NUP93: variants seen among roughly 807,000 people sequenced by gnomAD.
NUP93 encodes nuclear pore complex protein Nup93.
Under a neutral mutation model 107.8 loss-of-function variants are expected in NUP93, and 55 were observed. The observed-to-expected ratio is 0.51, with a 90% confidence interval of 0.41 to 0.64. The LOEUF is 0.64. Ranked by LOEUF, NUP93 falls within the 30% of genes least tolerant of loss-of-function variation. NUP93 has a pLI of 0.00. For synonymous variants in NUP93, 390 were observed against 397.5 expected, an observed-to-expected ratio of 0.98 and a Z score of 0.22; for missense variants, 937 against 1,044.7, an observed-to-expected ratio of 0.90 and a Z score of 1.42.
Position 56,747,995 on chromosome 16 carries a change from A to G in NUP93, c.-14-239A>G, listed in dbSNP as rs1449149136. ...CTGTGCATTTGTTCTGATGGCAGAA[A>G]TCAATCTTGGGGCTGTCAATATGCA... On this transcript the variant is annotated intron_variant, in intron 1 of 21. Coordinates refer to ENST00000308159, the MANE Select transcript of NUP93 (RefSeq NM_014669.5). 6 of 302,700 alleles carry G rather than the reference A, an allele frequency of 2.0e-5. No homozygotes were observed. In the South Asian group the frequency reaches 4.3e-4, roughly 22 times the overall value. The allele number at this position is 302,700 out of a possible 1,614,324, so 18.8% of individuals were successfully genotyped here. A position where few individuals can be genotyped will look rare whatever the true frequency, so the allele number is the denominator to read the frequency against.
In NUP93 at chr16:56,831,933, A is replaced by G. The variant is rs202054532; in HGVS notation, c.1177A>G (p.Ile393Val). 3.1e-6 allele frequency: 5 copies of G among 1,614,118 alleles called. No homozygotes were observed. The South Asian group carries it at 3.3e-5, about 11-fold the overall frequency. Residue 393 changes from isoleucine (I) to valine (V), a missense_variant, in exon 11 of 22, where the codon ATC becomes GTC. Physicochemically the swap from Ile to Val is conservative, Grantham distance 29 (BLOSUM62 3). Coordinates refer to ENST00000308159, the MANE Select transcript of NUP93 (RefSeq NM_014669.5). ...TCCCTACAAGCGGGCCGTGTACTGT[A>G]TCATTGGCAGATGTGACGTCACCGA... is the stretch of plus-strand genomic sequence containing the variant. ...TDPYKRAVYC[I>V]IGRCDVTDNQ... is the part of the protein sequence containing the mutation.
In NUP93 at chr16:56,752,880, G is replaced by T. The variant is rs148063300; in HGVS notation, c.179+4454G>T. Among the ~76,000 whole-genome samples, 338 of 152,198 alleles carry T rather than the reference G, an allele frequency of 2.2e-3. 1 individual carries two copies. Among genetic ancestry groups the T allele is most frequent in the African/African-American group, 7.9e-3 (329 of 41,526 alleles). On this transcript the variant is annotated intron_variant, in intron 2 of 21. Transcript: ENST00000308159. Reference sequence around the variant, plus strand: ...TGTGATCAGCTGATTTTCAACAAGGGTACCTAGACCATTCATTGTGAAAAG... The same window carrying T: ...TGTGATCAGCTGATTTTCAACAAGGTTACCTAGACCATTCATTGTGAAAAG...
intron 1 of NUP93, among the ~76,000 whole-genome samples, chr16:56,739,793 C>T (rs1390066463): frequency 1.0e-3 from 73 of 72,580 alleles, no homozygotes; most frequent in Admixed American, 1.7e-3. Flanking sequence ...CCAGTAGGGG[C>T]GGCCGGGCAG....
rs558385754 is a variant in NUP93 at position 56,737,755 on chromosome 16, A to G, written c.-15+7544A>G. The stretch of plus-strand genomic sequence containing the variant: ...TATACCAAGGTATGAATATACTGCC[A>G]TAAAAAGCCCAAGTGGGATAATTCT... On this transcript the variant is annotated intron_variant, in intron 1 of 21. Coordinates refer to ENST00000308159, the MANE Select transcript of NUP93 (RefSeq NM_014669.5). Among the ~76,000 whole-genome samples, 7 of 152,316 alleles carry G rather than the reference A, an allele frequency of 4.6e-5. No homozygotes were observed. In the East Asian group the frequency reaches 1.2e-3, roughly 25 times the overall value.
At chr16:56,799,142 AT>A (rs1962966218) in intron 4 of NUP93, among the ~76,000 whole-genome samples, 1 of 152,190 alleles carries the variant, frequency 6.6e-6, no homozygotes, top group African/African-American at 2.4e-5. Flanking sequence ...TATAAATGGC[AT>A]TTTGGTTTCT....
rs556857774 is a variant in NUP93, at chr16:56,834,512, C to T, written c.1737+70C>T. On this transcript the variant is annotated intron_variant, in intron 15 of 21. Transcript: ENST00000308159. Reference sequence around the variant, plus strand: ...CATGTCCCATGCTCATTCCGTATTGCGTGTTTACTTCAATATGGTTGTGGT... The same window carrying T: ...CATGTCCCATGCTCATTCCGTATTGTGTGTTTACTTCAATATGGTTGTGGT... The T allele has an allele frequency of 1.4e-4, 203 of 1,489,450 alleles. No individual in the cohort carries two copies. In the South Asian group the frequency reaches 1.9e-3, roughly 14 times the overall value. 92.3% of individuals were successfully genotyped at this position (1,489,450 alleles called of 1,614,324 possible).
intron 5 of NUP93, among the ~76,000 whole-genome samples, chr16:56,809,575 TA>T (rs1476274972): frequency 6.6e-6 from 1 of 152,066 alleles, no homozygotes; most frequent in African/African-American, 2.4e-5. Flanking sequence ...CACATCGAGA[TA>T]AGAAAACTGA....
chr16:56,834,877 T>C lies in NUP93; in HGVS notation c.1782+99T>C, dbSNP rs1219171091. The C allele has an allele frequency of 7.0e-6, 7 of 995,976 alleles. No individual in the cohort carries two copies. In the East Asian group the frequency reaches 1.7e-4, roughly 25 times the overall value. 61.7% of individuals were successfully genotyped at this position (995,976 alleles called of 1,614,324 possible). On this transcript the variant is annotated intron_variant, in intron 16 of 21. Transcript: ENST00000308159. ...ATTTTAAGATTCAAGGTACTAAAGA[T>C]GCAAATCTGAACAGAGTTGCTTAAT...
At chr16:56,780,323 C>T (rs566459885) in intron 3 of NUP93, among the ~76,000 whole-genome samples, 6 of 152,258 alleles carry the variant, frequency 3.9e-5, no homozygotes, top group East Asian at 3.9e-4. Flanking sequence ...TTACAGTGCT[C>T]GTTAACACAT....
At chr16:56,763,950 G>A (rs1962174540) in intron 3 of NUP93, among the ~76,000 whole-genome samples, 1 of 152,138 alleles carries the variant, frequency 6.6e-6, no homozygotes, top group African/African-American at 2.4e-5. Context: ...AGGAAAAGAA[G>A]TGATAAACAG....
At chr16:56,840,905 G>A (rs900976898) in intron 20 of NUP93, among the ~76,000 whole-genome samples, 2 of 151,756 alleles carry the variant, frequency 1.3e-5, no homozygotes, top group Admixed American at 6.6e-5. Flanking sequence ...GCTGAGGCAC[G>A]AGAATCGCTT....
Position 56,801,983 on chromosome 16 carries a change from T to G in NUP93, c.360+3445T>G, listed in dbSNP as rs114902269. 6.7e-3 allele frequency among the ~76,000 whole-genome samples: 1,014 copies of G among 152,324 alleles called. 11 individuals carry two copies. Among genetic ancestry groups the G allele is most frequent in the African/African-American group, 0.023 (961 of 41,580 alleles). Reference sequence around the variant, plus strand: ...TCTCTGTGGGTGGTGTATTGTCTGTTTTCTTTAATTGCCTTTGCTACTCTG... The same window carrying G: ...TCTCTGTGGGTGGTGTATTGTCTGTGTTCTTTAATTGCCTTTGCTACTCTG... On this transcript the variant is annotated intron_variant, in intron 4 of 21. Transcript: ENST00000308159.
chr16:56,733,166 G>A (rs1273994268), intron 1 of NUP93, among the ~76,000 whole-genome samples: 1 of 152,160 alleles, frequency 6.6e-6, no homozygotes, highest in Non-Finnish European at 1.5e-5. Flanking sequence ...ATATAATTGG[G>A]GGAAGGCAGC....
intron 1 of NUP93, among the ~76,000 whole-genome samples, chr16:56,733,424 AAGTAGAGC>A (rs145268107): frequency 0.042 from 6,373 of 152,130 alleles, 192 homozygotes; most frequent in East Asian, 0.076. Flanking sequence ...AAGGTTTGAG[AAGTAGAGC>A]TTGAGATTGG....
chr16:56,769,344 T>A (rs1157559769), intron 3 of NUP93, among the ~76,000 whole-genome samples: 1 of 152,168 alleles, frequency 6.6e-6, no homozygotes, highest in African/African-American at 2.4e-5. Context: ...TACACAAGCT[T>A]AGTAGTAAAA....
rs763159517 is a variant in NUP93 at position 56,837,631 on chromosome 16, G to A, written c.1923G>A (p.Leu641=). The A allele has an allele frequency of 3.1e-6, 5 of 1,614,106 alleles. No homozygotes were observed. The East Asian group carries it at 1.1e-4, about 36-fold the overall frequency. The change falls in exon 18 of 22, where the codon CTG becomes CTA. Residue 641 remains leucine, a synonymous_variant. Coordinates refer to ENST00000308159, the MANE Select transcript of NUP93 (RefSeq NM_014669.5). ...AGAATGCTGACAAGGTACTGGAGCT[G>A]ATGAACAAACTGCTGAGCCCTGTCG... ...LAKNADKVLE[L]MNKLLSPVVP... is the part of the protein sequence containing the mutation.
At chr16:56,815,270 A>C (rs1245854330) in intron 5 of NUP93, among the ~76,000 whole-genome samples, 2 of 152,174 alleles carry the variant, frequency 1.3e-5, no homozygotes, top group Admixed American at 6.5e-5. Flanking sequence ...TCTGGAATTA[A>C]CAGGCTTAGT....
rs1299064324 is a variant in NUP93 at position 56,837,681 on chromosome 16, C to T, written c.1973C>T (p.Ser658Phe). ...GTCCCCCAGATCAGTGCCCCGCAAT[C>T]CAACAAGGAGAGGCTGAAGAACATG... ...PVVPQISAPQ[S>F]NKERLKNMAL... The change falls in exon 18 of 22, where the codon TCC becomes TTC. Residue 658 changes from serine (S) to phenylalanine (F), a missense_variant. Transcript: ENST00000308159. 4 of 1,614,182 alleles carry T rather than the reference C, an allele frequency of 2.5e-6. No homozygotes were observed. The South Asian group carries it at 4.4e-5, about 18-fold the overall frequency.
chr16:56,833,090 A>G (rs1484650836), intron 12 of NUP93, 125 bp from the exon 13 acceptor site: 13 of 776,260 alleles, frequency 1.7e-5, no homozygotes, highest in Non-Finnish European at 2.7e-5. Flanking sequence ...TTCAGACTCA[A>G]TCTGGTGCTT....
Sources: allele counts gnomAD v4.1 joint callset (sites outside exome capture counted in the v4.1 genomes callset), GRCh38; gene constraint gnomAD v4.1.1; transcripts MANE v1.5; gene names NCBI Gene and HGNC (gene_info 2026-07-23, HGNC 2026-07-21).